GOLGA4: variants seen among roughly 807,000 people sequenced by gnomAD.
GOLGA4 encodes golgin subfamily A member 4.
Under a neutral mutation model 265.9 loss-of-function variants are expected in GOLGA4, and 169 were observed. The ratio of observed to expected loss-of-function variants is 0.64; its 90% CI spans 0.56 to 0.72. GOLGA4 has a LOEUF of 0.72. Among genes scored for constraint, GOLGA4 ranks in the 30% least tolerant of loss-of-function variants. GOLGA4 has a pLI of 0.00. For missense variants in GOLGA4, 2,482 were observed against 2,483.4 expected (o/e 1.00, Z 0.01); for synonymous variants, 923 against 855.8 (o/e 1.08, Z -1.37).
At chr3:37,341,174 A>G (rs1220612027) in intron 20 of GOLGA4, among the ~76,000 whole-genome samples, 1 of 152,132 alleles carries the variant, frequency 6.6e-6, no homozygotes, top group East Asian at 1.9e-4. Flanking sequence ...AAGTGCAGGG[A>G]TTACAGGCAT....
chr3:37,250,842 T>G (rs184815932), intron 1 of GOLGA4, among the ~76,000 whole-genome samples: 1 of 152,254 alleles, frequency 6.6e-6, no homozygotes, highest in African/African-American at 2.4e-5. Context: ...GAATAGCATC[T>G]CAGTATTTAG....
intron 2 of GOLGA4, among the ~76,000 whole-genome samples, chr3:37,279,930 G>A (rs961251545): frequency 6.6e-6 from 1 of 151,102 alleles, no homozygotes; most frequent in Non-Finnish European, 1.5e-5. Flanking sequence ...AAATTAAAAA[G>A]CCATCCTGCA....
intron 12 of GOLGA4, among the ~76,000 whole-genome samples, chr3:37,320,958 A>G (rs1031855287): frequency 4.6e-5 from 7 of 152,226 alleles, no homozygotes; most frequent in Admixed American, 2.6e-4. Context: ...CCTACTCATA[A>G]CATGGTACAA....
At chr3:37,288,755 G>A (rs780228629) in intron 4 of GOLGA4, among the ~76,000 whole-genome samples, 4 of 152,168 alleles carry the variant, frequency 2.6e-5, no homozygotes, top group Non-Finnish European at 4.4e-5. Flanking sequence ...TGGGATTACA[G>A]GTGTGAGCCA....
chr3:37,244,971 C>T (rs958073743), intron 1 of GOLGA4, among the ~76,000 whole-genome samples: 36 of 152,144 alleles, frequency 2.4e-4, no homozygotes, highest in African/African-American at 8.7e-4. Flanking sequence ...GGCACTTCCA[C>T]TTGGGAATGT....
In GOLGA4 at chr3:37,302,337, G is replaced by T. The variant is rs761831107; in HGVS notation, c.1234+5G>T. 11 of 1,609,128 alleles carry T rather than the reference G, an allele frequency of 6.8e-6. No individual in the cohort carries two copies. In the South Asian group the frequency reaches 1.2e-4, roughly 18 times the overall value. ...AAGAAAAGTCCGAAAGAGCTGGTAA[G>T]AACTTGAGGGTTACTTGTTTTATGT... On this transcript the variant is annotated splice_donor_5th_base_variant and intron_variant, in intron 10 of 23. Transcript: ENST00000361924.
At chr3:37,355,260 C>G in intron 22 of GOLGA4, 73 bp downstream of exon 22, 1 of 786,764 alleles carries the variant, frequency 1.3e-6, no homozygotes, top group East Asian at 2.5e-5. Context: ...TTTATAAGGA[C>G]TTTTGAGTTG....
chr3:37,243,869 C>T, intron 1 of GOLGA4: 1 of 541,492 alleles, frequency 1.8e-6, no homozygotes, highest in East Asian at 3.2e-5. Context: ...TCCCTCGTGA[C>T]ATTCCATCTC....
At position 37,243,537 on chromosome 3, in the gene GOLGA4, A is replaced by G. The variant is rs2096708478; in HGVS notation, c.-14A>G. 6.2e-7 allele frequency: 1 copy of G among 1,613,310 alleles called. No homozygotes were observed. Among genetic ancestry groups the G allele is most frequent in the Admixed American group, 1.7e-5 (1 of 60,006 alleles). ...AGGTTTCGTTGACACTCAGGACCGT[A>G]CGTACGCTGCGCCATGTTCAAGAAA... On this transcript the variant is annotated 5_prime_UTR_variant, in exon 1 of 24. Coordinates refer to ENST00000361924, the MANE Select transcript of GOLGA4 (RefSeq NM_002078.5).
intron 2 of GOLGA4, among the ~76,000 whole-genome samples, chr3:37,256,596 C>G (rs866634571): frequency 6.6e-6 from 1 of 152,168 alleles, no homozygotes; most frequent in Non-Finnish European, 1.5e-5. Flanking sequence ...TCCTATCCTG[C>G]GCAAATGGCA....
Position 37,324,715 on chromosome 3 carries a change from G to C in GOLGA4, c.2829G>C (p.Glu943Asp). The part of the protein sequence containing the change: ...AKEDSIHILN[E>D]EYETKFKNQE... ...AGGACAGTATTCATATTTTGAATGA[G>C]GAATATGAAACCAAATTTAAAAACC... The change falls in exon 14 of 24, where the codon GAG becomes GAC. Residue 943 changes from glutamate to aspartate, a missense_variant. Physicochemically the swap from Glu to Asp is conservative, Grantham distance 45 (BLOSUM62 2). This residue lies in a region of GOLGA4 where 1,536 missense variants were observed against 1,483.7 expected (regional missense o/e 1.04). Transcript: ENST00000361924. 8 of 1,590,984 alleles carry C rather than the reference G, an allele frequency of 5.0e-6. No homozygotes were observed. Among genetic ancestry groups the C allele is most frequent in the Non-Finnish European group, 6.8e-6 (8 of 1,173,158 alleles).
In GOLGA4 at chr3:37,295,020, G is replaced by A; in HGVS notation, c.624G>A (p.Glu208=). 6.2e-7 allele frequency: 1 copy of A among 1,610,898 alleles called. No homozygotes were observed. Among genetic ancestry groups the A allele is most frequent in the Non-Finnish European group, 8.5e-7 (1 of 1,177,892 alleles). ...AGCAGGCAAAGAAACATCTGCAAGA[G>A]GAGTTTGATGCATCTTTAGAGGAGA... ...MDQQAKKHLQ[E]EFDASLEEKD... The change falls in exon 6 of 24, where the codon GAG becomes GAA. Residue 208 remains glutamate, a synonymous_variant. Coordinates refer to ENST00000361924, the MANE Select transcript of GOLGA4 (RefSeq NM_002078.5).
At chr3:37,306,688 G>A (rs981229961) in intron 10 of GOLGA4, among the ~76,000 whole-genome samples, 16 of 151,516 alleles carry the variant, frequency 1.1e-4, no homozygotes, top group East Asian at 3.9e-4. Flanking sequence ...GTAATAATAC[G>A]GCACATTCAA....
At chr3:37,318,752 A>G (rs1271052634) in intron 11 of GOLGA4, among the ~76,000 whole-genome samples, 3 of 152,140 alleles carry the variant, frequency 2.0e-5, no homozygotes, top group Admixed American at 6.6e-5. Flanking sequence ...CCTCTCTGAG[A>G]GCATCCTTAT....
At position 37,325,718 on chromosome 3, in the gene GOLGA4, C is replaced by T; in HGVS notation, c.3832C>T (p.Leu1278Phe). The T allele has an allele frequency of 6.2e-7, 1 of 1,613,596 alleles. No homozygotes were observed. Among genetic ancestry groups the T allele is most frequent in the Non-Finnish European group, 8.5e-7 (1 of 1,179,562 alleles). The change falls in exon 14 of 24, where the codon CTT (leucine) becomes TTT (phenylalanine). Residue 1278 changes from leucine (L) to phenylalanine (F), a missense_variant. Transcript: ENST00000361924. ...CACAGTTTCTGAATTAGAAGCACAA[C>T]TTAGACAGTTGACAGAGGAGCAAAA... ...TCTVSELEAQ[L>F]RQLTEEQNTL...
At position 37,251,440 on chromosome 3, in the gene GOLGA4, T is replaced by G. The variant is rs564082705; in HGVS notation, c.118T>G (p.Ser40Ala). ...STPTRMRSRT[S>A]SFTEQLDEGT... Reference sequence around the variant, plus strand: ...ACCAACAAGAATGAGGAGCAGGACATCTTCATTTACAGAGCAACTTGATGA... The same window carrying G: ...ACCAACAAGAATGAGGAGCAGGACAGCTTCATTTACAGAGCAACTTGATGA... The change falls in exon 2 of 24, where the codon TCT (serine) becomes GCT (alanine). Residue 40 changes from serine (S) to alanine (A), a missense_variant. Around this residue, in one of 3 missense-constraint regions of GOLGA4, gnomAD observed 1,536 missense variants for 1,483.7 expected, o/e 1.04. Transcript: ENST00000361924. 1 of 1,613,198 alleles carries G rather than the reference T, an allele frequency of 6.2e-7. No individual in the cohort carries two copies. Among genetic ancestry groups the G allele is most frequent in the Non-Finnish European group, 8.5e-7 (1 of 1,179,278 alleles).
chr3:37,326,094 A>G lies in GOLGA4; in HGVS notation c.4208A>G (p.Tyr1403Cys), dbSNP rs757844816. Residue 1403 changes from tyrosine to cysteine, a missense_variant, in exon 14 of 24, where the codon TAT (tyrosine) becomes TGT (cysteine). Coordinates refer to ENST00000361924, the MANE Select transcript of GOLGA4 (RefSeq NM_002078.5). ...EAAISSLRKQYDEEKCELLDQ... is the reference protein window; with the variant it reads ...EAAISSLRKQCDEEKCELLDQ... ...GCCATTTCATCACTAAGAAAGCAGT[A>G]TGATGAAGAAAAATGTGAATTGCTG... 6 of 1,613,292 alleles carry G rather than the reference A, an allele frequency of 3.7e-6. No individual in the cohort carries two copies. The South Asian group carries it at 4.4e-5, about 12-fold the overall frequency.
chr3:37,256,845 C>T (rs973830409), intron 2 of GOLGA4, among the ~76,000 whole-genome samples: 6 of 152,202 alleles, frequency 3.9e-5, no homozygotes, highest in East Asian at 1.9e-4. Flanking sequence ...ACTTTTTCAG[C>T]GATAGGGTAT....
chr3:37,323,722 C>CA lies in GOLGA4; in HGVS notation c.1838dup (p.Thr614AspfsTer7). On this transcript the variant is annotated frameshift_variant, in exon 14 of 24. Transcript: ENST00000361924. LOFTEE classifies it high-confidence loss of function. ...AGATTACAGTCATGGTTGAAAAACA[C>CA]AAGACAGAATTGGAAAGCCTTAAGC... 6.2e-7 allele frequency: 1 copy of CA among 1,613,710 alleles called. No homozygotes were observed. Among genetic ancestry groups the CA allele is most frequent in the Non-Finnish European group, 8.5e-7 (1 of 1,179,904 alleles).
Sources: gnomAD v4.1 joint callset for allele counts (sites outside exome capture counted in the v4.1 genomes callset) on GRCh38, gnomAD v4.1.1 for gene constraint, gnomAD v4.1.1 regional missense constraint, MANE v1.5 for transcripts, NCBI Gene and HGNC (gene_info 2026-07-23, HGNC 2026-07-21) for gene names.